The following RPL22 variants were observed in gnomAD, a reference collection of about 807,000 sequenced individuals.
The protein encoded by RPL22 is ribosomal protein L22, also known as large ribosomal subunit protein eL22.
RPL22 carries 4 observed loss-of-function variants against 16.2 expected under a neutral mutation model. The ratio of observed to expected loss-of-function variants is 0.25; its 90% CI spans 0.12 to 0.57. The LOEUF (loss-of-function observed/expected upper bound fraction) is 0.57, where lower values mean the gene tolerates loss of function less well. Among genes scored for constraint, RPL22 ranks in the 20% least tolerant of loss-of-function variants. The pLI is 0.92. For missense variants in RPL22, 83 were observed against 156.1 expected (o/e 0.53, Z 2.49); for synonymous variants, 43 against 54.8 (o/e 0.78, Z 0.95).
chr1:6,198,218 G>A (rs1667746536), intron 1 of RPL22: 1 of 184,136 alleles, frequency 5.4e-6, no homozygotes, highest in Non-Finnish European at 1.2e-5. Context: ...TACATGTTCA[G>A]AGTAGGGTCC....
chr1:6,193,503 A>T (rs548049790), intron 2 of RPL22, among the ~76,000 whole-genome samples: 4 of 151,994 alleles, frequency 2.6e-5, no homozygotes, highest in Non-Finnish European at 5.9e-5. Context: ...TTGTATTTTT[A>T]GTAGAGACGG....
At chr1:6,187,627 C>CAAAAAAAAAAAAAAAAAAAAAAA (rs1211311688) in intron 3 of RPL22, among the ~76,000 whole-genome samples, 1 of 115,512 alleles carries the variant, frequency 8.7e-6, no homozygotes. Flanking sequence ...AAAAAAAAAA[C>CAAAAAAAAAAAAAAAAAAAAAAA]AAAAAAAAAA....
At chr1:6,190,123 C>A (rs1158212935) in intron 3 of RPL22, among the ~76,000 whole-genome samples, 2 of 152,150 alleles carry the variant, frequency 1.3e-5, no homozygotes, top group African/African-American at 4.8e-5. Context: ...TCAGGAGATA[C>A]CCTCACCCTG....
Position 6,186,908 on chromosome 1 carries a change from T to C in RPL22, c.243-92A>G, listed in dbSNP as rs1571183655. 6.4e-6 allele frequency: 10 copies of C among 1,565,580 alleles called. No homozygotes were observed. The East Asian group carries it at 2.3e-4, about 35-fold the overall frequency. On this transcript the variant is annotated intron_variant, in intron 3 of 3. Transcript: ENST00000234875. ...TTATAAAACCCAGCACTCAAAATCA[T>C]TACAATTCAAGGTGTTTTCCCAAGC...
In RPL22 at chr1:6,185,784, A is replaced by G. The variant is rs1667575939; in HGVS notation, c.*888T>C. The G allele has an allele frequency of 4.3e-6, 1 of 234,724 alleles. No homozygotes were observed. The highest frequency in any genetic ancestry group is 8.4e-6 in the Non-Finnish European group (1 of 119,288). 14.5% of individuals were successfully genotyped at this position (234,724 alleles called of 1,614,324 possible). On this transcript the variant is annotated 3_prime_UTR_variant, in exon 4 of 4. Coordinates refer to ENST00000234875, the MANE Select transcript of RPL22 (RefSeq NM_000983.4). ...CACTGTGGCACACCACTGACATTAA[A>G]TCCAGTCATGGCCTAAGTGGCATGA... is the stretch of plus-strand genomic sequence containing the variant.
Position 6,187,200 on chromosome 1 carries a change from C to T in RPL22, c.243-384G>A, listed in dbSNP as rs540072967. ...GTGCACGCCTGTAATCCCAGCTACT[C>T]GGGAGGCTGAGGCATGAGGATCCCT... On this transcript the variant is annotated intron_variant, in intron 3 of 3. Coordinates refer to ENST00000234875, the MANE Select transcript of RPL22 (RefSeq NM_000983.4). Among the ~76,000 whole-genome samples, 164 of 152,130 alleles carry T rather than the reference C, an allele frequency of 1.1e-3. 1 individual carries two copies. The highest frequency in any genetic ancestry group is 3.8e-3 in the African/African-American group (156 of 41,496).
At chr1:6,194,138 G>A (rs909783367) in intron 2 of RPL22, among the ~76,000 whole-genome samples, 9 of 151,714 alleles carry the variant, frequency 5.9e-5, no homozygotes, top group African/African-American at 1.5e-4. Flanking sequence ...CCCAGGAGGC[G>A]GAGGTTGCAG....
chr1:6,192,996 C>G lies in RPL22; in HGVS notation c.176G>C (p.Gly59Ala). The G allele has an allele frequency of 6.2e-7, 1 of 1,614,130 alleles. No homozygotes were observed. Among genetic ancestry groups the G allele is most frequent in the Non-Finnish European group, 8.5e-7 (1 of 1,179,984 alleles). ...VNGKAGNLGGGVVTIERSKSK... is the reference protein window; with the variant it reads ...VNGKAGNLGGAVVTIERSKSK... ...CTTGCTCCTTTCGATGGTCACCACC[C>G]CTCCACCAAGGTTCCCAGCTTTTCC... The change falls in exon 3 of 4, where the codon GGG becomes GCG. Residue 59 changes from glycine to alanine, a missense_variant. Transcript: ENST00000234875.
At chr1:6,197,254 A>C (rs1323327875) in intron 2 of RPL22, among the ~76,000 whole-genome samples, 3 of 152,000 alleles carry the variant, frequency 2.0e-5, no homozygotes, top group African/African-American at 7.2e-5. Context: ...CTGGTCTCGA[A>C]CTCCTGACCT....
chr1:6,189,316 C>T (rs1464062839), intron 3 of RPL22, among the ~76,000 whole-genome samples: 1 of 152,212 alleles, frequency 6.6e-6, no homozygotes, highest in Admixed American at 6.5e-5. Context: ...TCAATTTGGT[C>T]ATTCCATCTA....
chr1:6,190,631 G>C lies in RPL22; in HGVS notation c.242+2299C>G, dbSNP rs1047865520. Among the ~76,000 whole-genome samples the C allele has an allele frequency of 2.0e-5, 3 of 152,192 alleles. No homozygotes were observed. The East Asian group carries it at 5.8e-4, about 29-fold the overall frequency. On this transcript the variant is annotated intron_variant, in intron 3 of 3. Coordinates refer to ENST00000234875, the MANE Select transcript of RPL22 (RefSeq NM_000983.4). ...TGACCTCAGGTGATCCTCTGACCTC[G>C]GCCTCCCAAAGTGCTGGGATTTAGT...
chr1:6,188,659 A>C (rs1667611595), intron 3 of RPL22, among the ~76,000 whole-genome samples: 1 of 152,058 alleles, frequency 6.6e-6, no homozygotes, highest in African/African-American at 2.4e-5. Context: ...GGAATTTCAC[A>C]ACACACAAAC....
At chr1:6,189,622 A>AAAAAAAAAAAC (rs1248076127) in intron 3 of RPL22, among the ~76,000 whole-genome samples, 7 of 151,784 alleles carry the variant, frequency 4.6e-5, no homozygotes, top group African/African-American at 1.7e-4. Context: ...TAAAAAAAAA[A>AAAAAAAAAAAC]AAAAAACCCT....
chr1:6,186,717 G>A lies in RPL22; in HGVS notation c.342C>T (p.Tyr114=). 3.1e-6 allele frequency: 5 copies of A among 1,588,304 alleles called. No homozygotes were observed. Among genetic ancestry groups the A allele is most frequent in the East Asian group, 2.2e-5 (1 of 44,678 alleles). Residue 114 remains tyrosine, a synonymous_variant, in exon 4 of 4, where the codon TAC becomes TAT. Coordinates refer to ENST00000234875, the MANE Select transcript of RPL22 (RefSeq NM_000983.4). Reference sequence around the variant, plus strand: ...CTTCTTCGTCCTGGTTAATCTGGAAGTAACGTAATTCGTAACTCTCTTTGC... The same window carrying A: ...CTTCTTCGTCCTGGTTAATCTGGAAATAACGTAATTCGTAACTCTCTTTGC... ...ANSKESYELR[Y]FQINQDEEEE...
intron 3 of RPL22, among the ~76,000 whole-genome samples, chr1:6,187,589 G>A: frequency 6.7e-6 from 1 of 149,096 alleles, no homozygotes; most frequent in African/African-American, 2.5e-5. Flanking sequence ...ACTCCAGCCT[G>A]GGCGACAGAG....
In RPL22 at chr1:6,192,759, C is replaced by A. The variant is rs569285472; in HGVS notation, c.242+171G>T. ...AAATTTTAAAACCACCAAAAGTTGA[C>A]TATTGTTAACAACCATAATAGCATT... On this transcript the variant is annotated intron_variant, in intron 3 of 3. Coordinates refer to ENST00000234875, the MANE Select transcript of RPL22 (RefSeq NM_000983.4). 1.3e-4 allele frequency among the ~76,000 whole-genome samples: 20 copies of A among 152,350 alleles called. No individual in the cohort carries two copies. In the South Asian group the frequency reaches 4.1e-3, roughly 32 times the overall value.
At chr1:6,189,983 G>A (rs188751254) in intron 3 of RPL22, among the ~76,000 whole-genome samples, 1 of 152,244 alleles carries the variant, frequency 6.6e-6, no homozygotes, top group East Asian at 1.9e-4. Flanking sequence ...CTAGATTCGG[G>A]ACACCTTGAA....
At chr1:6,194,621 T>G (rs1162260141) in intron 2 of RPL22, among the ~76,000 whole-genome samples, 1 of 152,192 alleles carries the variant, frequency 6.6e-6, no homozygotes, top group Non-Finnish European at 1.5e-5. Context: ...GTGCAGTAGC[T>G]CACACCTGTA....
At chr1:6,188,000 T>C (rs558782683) in intron 3 of RPL22, among the ~76,000 whole-genome samples, 4 of 152,262 alleles carry the variant, frequency 2.6e-5, no homozygotes, top group South Asian at 2.1e-4. Flanking sequence ...GCCTGCCCAA[T>C]TGCTGCTTTA....
Sources: allele counts gnomAD v4.1 joint callset (sites outside exome capture counted in the v4.1 genomes callset), GRCh38; gene constraint gnomAD v4.1.1; transcripts MANE v1.5; gene names NCBI Gene and HGNC (gene_info 2026-07-23, HGNC 2026-07-21).